Variants in SV2C observed in about 807,000 individuals in gnomAD.
SV2C encodes the protein synaptic vesicle glycoprotein 2C.
Under a neutral mutation model 79.7 loss-of-function variants are expected in SV2C, and 49 were observed. The observed-to-expected ratio is 0.61, with a 90% CI of 0.49 to 0.78. The LOEUF (loss-of-function observed/expected upper bound fraction) is 0.78. SV2C is among the 30% of genes least tolerant of loss of function. The probability of loss-of-function intolerance (pLI) is 0.00; values close to 1 mark genes in which losing one functional copy is unlikely to be tolerated. For synonymous variants in SV2C, 334 were observed against 333.2 expected (o/e 1.00, Z -0.03); for missense variants, 833 against 912.9 (o/e 0.91, Z 1.13).
the SV2C span, among the ~76,000 whole-genome samples, chr5:76,042,845 G>C: frequency 0.18 from 28,106 of 152,166 alleles, 3,243 homozygotes; most frequent in South Asian, 0.34. Context: ...ACAGGTGATA[G>C]AGTATGTTTC....
At chr5:75,967,829 C>T in the SV2C span, among the ~76,000 whole-genome samples, 1 of 152,202 alleles carries the variant, frequency 6.6e-6, no homozygotes, top group African/African-American at 2.4e-5. Context: ...AGTAGTGGTT[C>T]TCCCAGCACG....
At chr5:75,895,932 T>A in the SV2C span, among the ~76,000 whole-genome samples, 1 of 152,128 alleles carries the variant, frequency 6.6e-6, no homozygotes, top group Non-Finnish European at 1.5e-5. Context: ...GAACCTATCT[T>A]ATAAAGATAG....
chr5:76,235,299 C>G (rs905019185), intron 4 of SV2C, among the ~76,000 whole-genome samples: 1 of 151,818 alleles, frequency 6.6e-6, no homozygotes, highest in Non-Finnish European at 1.5e-5. Flanking sequence ...CATGAAATGT[C>G]TTGGCAGCAA....
chr5:76,129,664 G>A (rs1401971365), intron 1 of SV2C, among the ~76,000 whole-genome samples: 1 of 152,132 alleles, frequency 6.6e-6, no homozygotes, highest in East Asian at 1.9e-4. Context: ...AAAGCATGTG[G>A]TAAGGATACC....
At chr5:76,033,291 C>T in the SV2C span, among the ~76,000 whole-genome samples, 9 of 152,028 alleles carry the variant, frequency 5.9e-5, no homozygotes, top group Middle Eastern at 6.8e-3. Flanking sequence ...GTTGCCATTG[C>T]TTTTGGTGTT....
chr5:75,949,781 A>T, the SV2C span, among the ~76,000 whole-genome samples: 1 of 152,034 alleles, frequency 6.6e-6, no homozygotes, highest in African/African-American at 2.4e-5. Context: ...TAAATTACCC[A>T]GTCTCGGATA....
At chr5:76,343,223 C>G (rs987560304) in intron 12 of SV2C, among the ~76,000 whole-genome samples, 4 of 152,032 alleles carry the variant, frequency 2.6e-5, no homozygotes, top group African/African-American at 9.7e-5. Context: ...TTTTGTGTAT[C>G]TTTAGTAGTC....
Position 76,084,900 on chromosome 5 carries a change from C to T in SV2C, c.-102+1388C>T, listed in dbSNP as rs370669846. 2.6e-5 allele frequency among the ~76,000 whole-genome samples: 4 copies of T among 151,878 alleles called. 1 individual carries two copies. The East Asian group carries it at 7.8e-4, about 29-fold the overall frequency. On this transcript the variant is annotated intron_variant, in intron 1 of 12. Coordinates refer to ENST00000502798, the MANE Select transcript of SV2C (RefSeq NM_014979.4). ...GCCTGGGCTGGCGGGCAGGCGGCTC[C>T]GCAGTGCGCCGCAGTGCCGGGAAGG...
At chr5:75,937,231 C>A in the SV2C span, among the ~76,000 whole-genome samples, 1 of 152,138 alleles carries the variant, frequency 6.6e-6, no homozygotes, top group Non-Finnish European at 1.5e-5. Flanking sequence ...CTTTTCTATG[C>A]CTTAGTGAAT....
chr5:75,881,802 C>A, the SV2C span, among the ~76,000 whole-genome samples: 1 of 149,768 alleles, frequency 6.7e-6, no homozygotes, highest in African/African-American at 2.5e-5. Context: ...CTTCTCCTGC[C>A]TAATTGCCCT....
the SV2C span, among the ~76,000 whole-genome samples, chr5:75,946,368 A>G: frequency 6.6e-6 from 1 of 152,134 alleles, no homozygotes; most frequent in African/African-American, 2.4e-5. Flanking sequence ...TTTGTCAAAA[A>G]TCATTTGATC....
At chr5:76,305,335 ATCT>A (rs1000917088) in intron 12 of SV2C, among the ~76,000 whole-genome samples, 4 of 152,200 alleles carry the variant, frequency 2.6e-5, no homozygotes, top group Admixed American at 6.5e-5. Context: ...TATAGGACAC[ATCT>A]TCTTCTACTC....
chr5:75,966,890 G>C, the SV2C span, among the ~76,000 whole-genome samples: 1 of 152,188 alleles, frequency 6.6e-6, no homozygotes, highest in East Asian at 1.9e-4. Flanking sequence ...TCTCAAGACA[G>C]ATTTAGGCCC....
the SV2C span, among the ~76,000 whole-genome samples, chr5:75,995,595 C>T: frequency 4.9e-4 from 75 of 152,178 alleles, no homozygotes; most frequent in Middle Eastern, 3.4e-3. Flanking sequence ...AAGATAACAA[C>T]CATACTCATT....
At chr5:76,196,208 C>T (rs2112330220) in intron 3 of SV2C, among the ~76,000 whole-genome samples, 1 of 152,306 alleles carries the variant, frequency 6.6e-6, no homozygotes, top group African/African-American at 2.4e-5. Flanking sequence ...TCCTATGCTA[C>T]ATTCTGCACA....
intron 4 of SV2C, among the ~76,000 whole-genome samples, chr5:76,277,642 C>G (rs1435474673): frequency 6.6e-6 from 1 of 151,862 alleles, no homozygotes; most frequent in Non-Finnish European, 1.5e-5. Context: ...GGCGCTTGCC[C>G]GTGGTCCCAG....
intron 1 of SV2C, among the ~76,000 whole-genome samples, chr5:76,107,736 C>G (rs186057658): frequency 1.3e-3 from 199 of 152,136 alleles, no homozygotes; most frequent in Non-Finnish European, 9.4e-4. Flanking sequence ...TGCCTCTAGT[C>G]CCAGCTACTC....
intron 1 of SV2C, among the ~76,000 whole-genome samples, chr5:76,118,357 A>G (rs1362276579): frequency 1.3e-5 from 2 of 151,982 alleles, no homozygotes; most frequent in African/African-American, 4.8e-5. Flanking sequence ...TCATCTCACA[A>G]TCCTTAATAT....
chr5:76,158,963 C>T (rs1000140429), intron 2 of SV2C, among the ~76,000 whole-genome samples: 3 of 151,952 alleles, frequency 2.0e-5, no homozygotes, highest in Non-Finnish European at 4.4e-5. Flanking sequence ...GGATTTATCT[C>T]AGGAATGCCC....
Sources: gnomAD v4.1 joint callset for allele counts (sites outside exome capture counted in the v4.1 genomes callset) on GRCh38, gnomAD v4.1.1 for gene constraint, MANE v1.5 for transcripts, NCBI Gene and HGNC (gene_info 2026-07-23, HGNC 2026-07-21) for gene names.